Variants in AXDND1 observed in about 807,000 individuals in gnomAD.
AXDND1 encodes the protein axonemal dynein light chain domain containing 1, also known as axonemal dynein light chain domain-containing protein 1.
In AXDND1, 110 loss-of-function variants were observed where a neutral mutation model predicts 137.5. The ratio of observed to expected loss-of-function variants is 0.80; its 90% CI spans 0.69 to 0.94. The LOEUF is 0.94. AXDND1 is among the 40% of genes least tolerant of loss of function. The pLI, the probability that AXDND1 is intolerant of heterozygous loss-of-function variation, is 0.00. For missense variants in AXDND1, 1,191 were observed against 1,169.8 expected, an observed-to-expected ratio of 1.02 and a Z score of -0.26; for synonymous variants, 414 against 399.7, an observed-to-expected ratio of 1.04 and a Z score of -0.43.
At chr1:179,429,688 G>T in intron 13 of AXDND1, 69 bp downstream of exon 13, 1 of 822,062 alleles carries the variant, frequency 1.2e-6, no homozygotes, top group Non-Finnish European at 1.8e-6. Flanking sequence ...ACTGTAAGAT[G>T]CCTTTGTTAA....
At chr1:179,541,140 C>A (rs1255050799) in intron 25 of AXDND1, among the ~76,000 whole-genome samples, 1 of 152,224 alleles carries the variant, frequency 6.6e-6, no homozygotes, top group Non-Finnish European at 1.5e-5. Context: ...CTGAGCCAGG[C>A]ACCAGAGGGA....
chr1:179,416,781 C>T (rs1008233450), intron 12 of AXDND1, among the ~76,000 whole-genome samples: 1 of 152,152 alleles, frequency 6.6e-6, no homozygotes, highest in South Asian at 2.1e-4. Flanking sequence ...GGTATATAAG[C>T]CTTGAGCCTG....
intron 16 of AXDND1, among the ~76,000 whole-genome samples, chr1:179,464,873 A>G (rs1184763072): frequency 6.6e-6 from 1 of 152,130 alleles, no homozygotes; most frequent in Non-Finnish European, 1.5e-5. Context: ...TCGATCTTCA[A>G]TCACTGATAC....
At chr1:179,495,408 T>C (rs1179102716) in intron 20 of AXDND1, among the ~76,000 whole-genome samples, 1 of 152,120 alleles carries the variant, frequency 6.6e-6, no homozygotes, top group East Asian at 1.9e-4. Flanking sequence ...ATATAGTTTG[T>C]GAGATTTATC....
intron 4 of AXDND1, among the ~76,000 whole-genome samples, chr1:179,374,979 TA>T (rs1307156302): frequency 6.8e-6 from 1 of 147,796 alleles, no homozygotes; most frequent in Non-Finnish European, 1.5e-5. Context: ...AAGTATAATT[TA>T]AAAAATAAAT....
At chr1:179,455,692 GA>G (rs1661296541) in intron 16 of AXDND1, 2 of 153,462 alleles carry the variant, frequency 1.3e-5, no homozygotes, top group African/African-American at 4.8e-5. Context: ...CCTTGGGGGG[GA>G]AATATACAAT....
At chr1:179,494,210 C>T (rs1234987400) in intron 20 of AXDND1, among the ~76,000 whole-genome samples, 1 of 152,130 alleles carries the variant, frequency 6.6e-6, no homozygotes, top group Non-Finnish European at 1.5e-5. Flanking sequence ...CCTCAGCCTC[C>T]CAAAGTGCTG....
chr1:179,522,967 TTATTGCTAGC>T (rs779427820), intron 21 of AXDND1, among the ~76,000 whole-genome samples: 6 of 151,530 alleles, frequency 4.0e-5, no homozygotes, highest in Non-Finnish European at 8.8e-5. Context: ...GGCATTGAGC[TTATTGCTAGC>T]TTTTGCTTTT....
intron 20 of AXDND1, among the ~76,000 whole-genome samples, chr1:179,507,476 A>G (rs1180421487): frequency 6.6e-6 from 1 of 152,312 alleles, no homozygotes; most frequent in Non-Finnish European, 1.5e-5. Flanking sequence ...TACAATAAAA[A>G]AAGGTTAAAA....
At chr1:179,530,709 G>A (rs1035260541) in intron 23 of AXDND1, among the ~76,000 whole-genome samples, 3 of 152,180 alleles carry the variant, frequency 2.0e-5, no homozygotes, top group African/African-American at 7.2e-5. Flanking sequence ...AGACCAAACT[G>A]TCTAGGTTCT....
chr1:179,400,391 A>C (rs1466363985), intron 11 of AXDND1, among the ~76,000 whole-genome samples: 3 of 152,092 alleles, frequency 2.0e-5, no homozygotes, highest in African/African-American at 7.2e-5. Context: ...ATGCAAAGGC[A>C]TAAGAATAAT....
intron 17 of AXDND1, among the ~76,000 whole-genome samples, chr1:179,482,795 G>T (rs1385324103): frequency 2.0e-5 from 3 of 151,642 alleles, no homozygotes; most frequent in African/African-American, 7.3e-5. Context: ...TTCATTGAGA[G>T]GATTTTAAAA....
intron 12 of AXDND1, among the ~76,000 whole-genome samples, chr1:179,420,887 C>T (rs774369641): frequency 1.8e-4 from 28 of 152,134 alleles, no homozygotes; most frequent in Non-Finnish European, 3.7e-4. Context: ...TCCCAAGGTA[C>T]TGGGATTACA....
At chr1:179,429,384 G>T in intron 12 of AXDND1, 134 bp from the exon 13 acceptor site, 1 of 465,096 alleles carries the variant, frequency 2.2e-6, no homozygotes, top group Non-Finnish European at 3.7e-6. Context: ...TTTGTAATTC[G>T]TGTTAATGAT....
At chr1:179,386,862 C>T (rs958992610) in intron 9 of AXDND1, among the ~76,000 whole-genome samples, 1 of 152,050 alleles carries the variant, frequency 6.6e-6, no homozygotes, top group South Asian at 2.1e-4. Flanking sequence ...GTAGCTGGGG[C>T]TACAAGTGTG....
intron 11 of AXDND1, among the ~76,000 whole-genome samples, chr1:179,405,750 C>T (rs1490241779): frequency 3.3e-5 from 5 of 151,148 alleles, no homozygotes; most frequent in African/African-American, 1.2e-4. Context: ...TTGCTTGAGT[C>T]GTCTCTCTTT....
intron 16 of AXDND1, among the ~76,000 whole-genome samples, chr1:179,463,983 C>T (rs1662755529): frequency 6.6e-6 from 1 of 152,120 alleles, no homozygotes; most frequent in African/African-American, 2.4e-5. Context: ...GTTCTTCCTC[C>T]ATCCCTTTAT....
At chr1:179,404,905 CTTT>C (rs901799876) in intron 11 of AXDND1, among the ~76,000 whole-genome samples, 1 of 145,954 alleles carries the variant, frequency 6.9e-6, no homozygotes, top group African/African-American at 2.5e-5. Flanking sequence ...TGTTGGGAGA[CTTT>C]TTTTTTTTTA....
At chr1:179,505,402 CA>C (rs1220382867) in intron 20 of AXDND1, among the ~76,000 whole-genome samples, 3 of 152,096 alleles carry the variant, frequency 2.0e-5, no homozygotes, top group Non-Finnish European at 2.9e-5. Flanking sequence ...CCTGTAATCC[CA>C]GCATTTTGGG....
Sources: allele counts gnomAD v4.1 joint callset (sites outside exome capture counted in the v4.1 genomes callset), GRCh38; gene constraint gnomAD v4.1.1; transcripts MANE v1.5; gene names NCBI Gene and HGNC (gene_info 2026-07-23, HGNC 2026-07-21).